DNAH6: variants seen among roughly 807,000 people sequenced by gnomAD.
The protein encoded by DNAH6 is dynein axonemal heavy chain 6, also known as axonemal beta dynein heavy chain 6.
DNAH6 carries 340 observed loss-of-function variants against 491.4 expected under a neutral mutation model. That is an observed-to-expected ratio of 0.69 (90% CI 0.63 to 0.76). DNAH6 has a LOEUF of 0.76. DNAH6 is among the 30% of genes least tolerant of loss of function. The pLI, the probability that DNAH6 is intolerant of heterozygous loss-of-function variation, is 0.00. For synonymous variants in DNAH6, 1,603 were observed against 1,686.1 expected, an observed-to-expected ratio of 0.95 and a Z score of 1.21; for missense variants, 4,443 against 4,972.2, an observed-to-expected ratio of 0.89 and a Z score of 3.20.
the DNAH6 span, chr2:84,459,675 G>A: frequency 1.6e-5 from 3 of 187,684 alleles, no homozygotes; most frequent in Non-Finnish European, 3.4e-5. Flanking sequence ...AGCGAGGTGA[G>A]GTGCGAAGAG....
the DNAH6 span, among the ~76,000 whole-genome samples, chr2:84,504,462 C>T: frequency 6.6e-6 from 1 of 152,094 alleles, no homozygotes; most frequent in Non-Finnish European, 1.5e-5. Context: ...GGTGTTGATG[C>T]TAGTACGTGT....
chr2:84,786,944 G>T (rs930035111), intron 67 of DNAH6, among the ~76,000 whole-genome samples: 2 of 152,050 alleles, frequency 1.3e-5, no homozygotes, highest in Non-Finnish European at 2.9e-5. Flanking sequence ...TCTGGTAATA[G>T]CAAATTTTCT....
At chr2:84,502,550 G>A in the DNAH6 span, among the ~76,000 whole-genome samples, 1 of 152,188 alleles carries the variant, frequency 6.6e-6, no homozygotes, top group Admixed American at 6.5e-5. Context: ...CTATAATGCA[G>A]ATTAAGTCTG....
At chr2:84,487,688 G>A in the DNAH6 span, among the ~76,000 whole-genome samples, 1 of 152,182 alleles carries the variant, frequency 6.6e-6, no homozygotes, top group African/African-American at 2.4e-5. Flanking sequence ...CTGTGAATAG[G>A]GGCCTAAAGT....
intron 22 of DNAH6, among the ~76,000 whole-genome samples, chr2:84,612,717 G>T (rs888227402): frequency 6.6e-6 from 1 of 151,808 alleles, no homozygotes; most frequent in African/African-American, 2.4e-5. Flanking sequence ...TGACCTTCCC[G>T]CCTCCTGCTT....
At position 84,634,560 on chromosome 2, in the gene DNAH6, T is replaced by G; in HGVS notation, c.4572T>G (p.Asp1524Glu). 1 of 1,550,580 alleles carries G rather than the reference T, an allele frequency of 6.4e-7. No homozygotes were observed. The highest frequency in any genetic ancestry group is 8.7e-7 in the Non-Finnish European group (1 of 1,146,460). ...LAQSGAWCCFDEFNRIDIEVL... is the reference protein window; with the variant it reads ...LAQSGAWCCFEEFNRIDIEVL... The stretch of plus-strand genomic sequence containing the variant: ...AGTCAGGGGCCTGGTGCTGCTTTGA[T>G]GAATTTAATCGAATTGACATAGAAG... Residue 1524 changes from aspartate to glutamate, a missense_variant, in exon 30 of 77, where the codon GAT (aspartate) becomes GAG (glutamate). By Grantham distance (45) the Asp-to-Glu change is conservative. This residue lies in a region of DNAH6 where 2,977 missense variants were observed against 3,296.6 expected (regional missense o/e 0.90). Coordinates refer to ENST00000389394, the MANE Select transcript of DNAH6 (RefSeq NM_001370.2).
intron 11 of DNAH6, among the ~76,000 whole-genome samples, chr2:84,567,778 A>C (rs902784225): frequency 2.0e-5 from 3 of 152,208 alleles, no homozygotes; most frequent in Non-Finnish European, 4.4e-5. Context: ...AATTGCAACA[A>C]AAGCAAAAAT....
chr2:84,748,209 G>A (rs1365209508), intron 63 of DNAH6, among the ~76,000 whole-genome samples: 2 of 152,048 alleles, frequency 1.3e-5, no homozygotes, highest in African/African-American at 2.4e-5. Context: ...ATCCTTTCCT[G>A]AAAATGCTCT....
At chr2:84,589,032 T>G (rs1683838696) in intron 16 of DNAH6, 78 bp downstream of exon 16, 1 of 1,289,766 alleles carries the variant, frequency 7.8e-7, no homozygotes, top group African/African-American at 1.5e-5. Flanking sequence ...TTCAATAATG[T>G]AACTGTAAAC....
intron 16 of DNAH6, among the ~76,000 whole-genome samples, chr2:84,590,498 C>CAAAA (rs35787415): frequency 1.0e-5 from 1 of 97,906 alleles, no homozygotes; most frequent in African/African-American, 4.0e-5. Context: ...GGCTCCATTT[C>CAAAA]AAAAAAAAAA....
intron 19 of DNAH6, among the ~76,000 whole-genome samples, chr2:84,604,985 A>G (rs567460457): frequency 2.3e-4 from 35 of 152,198 alleles, no homozygotes; most frequent in Non-Finnish European, 3.8e-4. Context: ...GTCAAAGTAT[A>G]TGTGTTAATG....
At chr2:84,742,859 G>C (rs1245282683) in intron 62 of DNAH6, among the ~76,000 whole-genome samples, 3 of 152,092 alleles carry the variant, frequency 2.0e-5, no homozygotes, top group Non-Finnish European at 4.4e-5. Context: ...CCCATTAAGT[G>C]TGGTGGTTTA....
chr2:84,745,277 G>A (rs1265852228), intron 63 of DNAH6, 28 bp downstream of exon 63: 2 of 1,404,854 alleles, frequency 1.4e-6, no homozygotes, highest in Non-Finnish European at 1.9e-6. Flanking sequence ...TTAAAGGACT[G>A]TGTTACAATT....
At chr2:84,590,090 T>C (rs1329772010) in intron 16 of DNAH6, among the ~76,000 whole-genome samples, 3 of 152,118 alleles carry the variant, frequency 2.0e-5, no homozygotes, top group Admixed American at 6.5e-5. Context: ...CTGGTGATAC[T>C]TGAGGCAGAT....
At chr2:84,658,948 A>G (rs1691227066) in intron 36 of DNAH6, 78 bp from the exon 37 acceptor site, 1 of 912,736 alleles carries the variant, frequency 1.1e-6, no homozygotes, top group Non-Finnish European at 1.6e-6. Context: ...AAAGAAAAAT[A>G]TCTTTACACT....
rs894230686 is a variant in DNAH6, at chr2:84,624,344, T to C, written c.4151T>C (p.Ile1384Thr). 3 of 1,551,466 alleles carry C rather than the reference T, an allele frequency of 1.9e-6. No individual in the cohort carries two copies. Among genetic ancestry groups the C allele is most frequent in the Non-Finnish European group, 8.7e-7 (1 of 1,146,842 alleles). ...AACATCCTAACTGCATTGATTACTA[T>C]TGATGTGCATGCAAGAGATATAGTC... ...HRNILTALIT[I>T]DVHARDIVTE... Residue 1384 changes from isoleucine (I) to threonine (T), a missense_variant, in exon 27 of 77, where the codon ATT (isoleucine) becomes ACT (threonine). By Grantham distance (89) the Ile-to-Thr change is moderately conservative. Transcript: ENST00000389394.
intron 68 of DNAH6, among the ~76,000 whole-genome samples, chr2:84,793,064 A>G (rs1677929275): frequency 6.6e-6 from 1 of 152,166 alleles, no homozygotes. Flanking sequence ...ACCATGCCCA[A>G]GCCAGCCCAC....
rs891226017 is a variant in DNAH6 at position 84,616,797 on chromosome 2, A to G, written c.3476-89A>G. 14 of 579,868 alleles carry G rather than the reference A, an allele frequency of 2.4e-5. No individual in the cohort carries two copies. The African/African-American group carries it at 2.8e-4, about 11-fold the overall frequency. The allele number at this position is 579,868 out of a possible 1,614,324, so 35.9% of individuals were successfully genotyped here. A position where few individuals can be genotyped will look rare whatever the true frequency, so the allele number is the denominator to read the frequency against. On this transcript the variant is annotated intron_variant, in intron 22 of 76. Transcript: ENST00000389394. ...ATAGTTTTCTAGGGAGAAGATTCAT[A>G]AATTGATTACATTTTAAAGTGATAT...
chr2:84,807,985 C>T (rs977952779), intron 71 of DNAH6, among the ~76,000 whole-genome samples: 5 of 152,142 alleles, frequency 3.3e-5, no homozygotes, highest in Admixed American at 6.5e-5. Flanking sequence ...CTCACTTAAG[C>T]AACAAGGACC....
Sources: gnomAD v4.1 joint callset for allele counts (sites outside exome capture counted in the v4.1 genomes callset) on GRCh38, gnomAD v4.1.1 for gene constraint, gnomAD v4.1.1 regional missense constraint, MANE v1.5 for transcripts, NCBI Gene and HGNC (gene_info 2026-07-23, HGNC 2026-07-21) for gene names.